Variants in RBFOX1 observed in about 807,000 individuals in gnomAD.
RBFOX1 encodes the protein RNA binding protein fox-1 homolog 1.
A neutral mutation model predicts 57.7 loss-of-function variants in RBFOX1; 8 were observed. The observed-to-expected ratio is 0.14, with a 90% CI of 0.08 to 0.25. The LOEUF (loss-of-function observed/expected upper bound fraction) is 0.25, where lower values mean the gene tolerates loss of function less well. RBFOX1 is among the 10% of genes least tolerant of loss of function. The pLI is 1.00. For missense variants in RBFOX1, 611 were observed against 548.5 expected (o/e 1.11, Z -1.14); for synonymous variants, 326 against 222.4 (o/e 1.47, Z -4.15).
intron 3 of RBFOX1, among the ~76,000 whole-genome samples, chr16:6,679,186 A>G (rs571844297): frequency 6.1e-4 from 93 of 152,252 alleles, no homozygotes; most frequent in African/African-American, 2.1e-3. Context: ...GTCTCCATCT[A>G]TTTATGGCAT....
intron 1 of RBFOX1, among the ~76,000 whole-genome samples, chr16:5,247,501 G>A (rs893208334): frequency 1.2e-4 from 18 of 152,208 alleles, no homozygotes; most frequent in African/African-American, 3.4e-4. Context: ...CTGTGTGCCA[G>A]CTGCTGGTCT....
chr16:6,882,176 C>T (rs900722163), intron 3 of RBFOX1, among the ~76,000 whole-genome samples: 4 of 152,124 alleles, frequency 2.6e-5, no homozygotes, highest in African/African-American at 4.8e-5. Context: ...TCTCTAGCTT[C>T]TCTCTTCCTG....
chr16:6,886,319 C>G (rs2064019902), intron 3 of RBFOX1, among the ~76,000 whole-genome samples: 1 of 152,022 alleles, frequency 6.6e-6, no homozygotes, highest in East Asian at 2.0e-4. Flanking sequence ...ACCTCGACCT[C>G]CCAAAGTGCT....
chr16:5,327,070 C>G (rs998426720), intron 1 of RBFOX1, among the ~76,000 whole-genome samples: 1 of 152,146 alleles, frequency 6.6e-6, no homozygotes. Flanking sequence ...TAAAGTAGAA[C>G]AAGGAGATCG....
intron 1 of RBFOX1, chr16:5,270,611 A>G (rs2062980286): frequency 1.7e-6 from 1 of 585,066 alleles, no homozygotes; most frequent in Non-Finnish European, 3.2e-6. Flanking sequence ...CAAAAAACGC[A>G]ACAATCAGAT....
In RBFOX1 at chr16:6,636,556, C is replaced by T. The variant is rs1008525567; in HGVS notation, c.-63-18047C>T. 9.9e-5 allele frequency among the ~76,000 whole-genome samples: 15 copies of T among 151,826 alleles called. No individual in the cohort carries two copies. In the East Asian group the frequency reaches 2.9e-3, roughly 29 times the overall value. On this transcript the variant is annotated intron_variant, in intron 2 of 15. Coordinates refer to ENST00000550418, the MANE Select transcript of RBFOX1 (RefSeq NM_018723.4). Reference sequence around the variant, plus strand: ...AACCTCTAATTACTGTAGCACATATCAGAAGATTTCTCTTTTATTTGGTTT... The same window carrying T: ...AACCTCTAATTACTGTAGCACATATTAGAAGATTTCTCTTTTATTTGGTTT...
intron 2 of RBFOX1, among the ~76,000 whole-genome samples, chr16:6,637,436 A>T (rs1346373165): frequency 1.0e-5 from 1 of 96,504 alleles, no homozygotes; most frequent in Non-Finnish European, 1.9e-5. Flanking sequence ...TATATTATAT[A>T]AATATATGTA....
intron 3 of RBFOX1, among the ~76,000 whole-genome samples, chr16:5,718,399 C>G (rs2051798405): frequency 6.6e-6 from 1 of 152,136 alleles, no homozygotes; most frequent in Admixed American, 6.5e-5. Flanking sequence ...TAAATGAGGG[C>G]TGAGTTAAGC....
At chr16:5,826,308 A>G (rs946383955) in intron 3 of RBFOX1, among the ~76,000 whole-genome samples, 1 of 152,158 alleles carries the variant, frequency 6.6e-6, no homozygotes, top group Non-Finnish European at 1.5e-5. Context: ...TGAATTGTGA[A>G]GCAAACCACA....
intron 14 of RBFOX1, among the ~76,000 whole-genome samples, chr16:7,686,154 G>C (rs188834536): frequency 6.6e-6 from 1 of 151,734 alleles, no homozygotes; most frequent in African/African-American, 2.4e-5. Context: ...CAGCATCACT[G>C]AACTGTGGGA....
intron 4 of RBFOX1, among the ~76,000 whole-genome samples, chr16:7,062,893 AT>A (rs1170936027): frequency 2.1e-5 from 1 of 47,256 alleles, no homozygotes; most frequent in African/African-American, 9.2e-5. Context: ...AATGATCGCC[AT>A]TTTTTTTTTT....
chr16:6,090,914 A>T (rs2096162305), intron 1 of RBFOX1, among the ~76,000 whole-genome samples: 1 of 152,198 alleles, frequency 6.6e-6, no homozygotes, highest in Non-Finnish European at 1.5e-5. Flanking sequence ...AGCAAAACTT[A>T]AAAAAAGTAT....
intron 4 of RBFOX1, among the ~76,000 whole-genome samples, chr16:7,436,879 T>C (rs758467428): frequency 4.6e-5 from 7 of 152,078 alleles, no homozygotes; most frequent in Non-Finnish European, 8.8e-5. Context: ...CTGGCAAATA[T>C]GGCGAAGCCC....
At chr16:5,906,727 CTTTT>C (rs57589514) in intron 4 of RBFOX1, among the ~76,000 whole-genome samples, 14 of 71,484 alleles carry the variant, frequency 2.0e-4, no homozygotes, top group Middle Eastern at 0.017. Context: ...ATCCTAGATT[CTTTT>C]TTTTTTTTTT....
chr16:5,316,179 G>A (rs1190743070), intron 1 of RBFOX1, among the ~76,000 whole-genome samples: 1 of 152,138 alleles, frequency 6.6e-6, no homozygotes, highest in East Asian at 1.9e-4. Flanking sequence ...TAGTTAACTC[G>A]TGTTCATTCT....
In RBFOX1 at chr16:5,325,989, G is replaced by A. The variant is rs1019278641; in HGVS notation, c.219+85884G>A. ...CTATTGTGCTTACTGGAGTATTTAC[G>A]TGTCTTTAAACAGCTTGGCATTATA... On this transcript the variant is annotated intron_variant, in intron 1 of 2. Coordinates refer to the RBFOX1 transcript ENST00000585867. Among the ~76,000 whole-genome samples, 3 of 152,294 alleles carry A rather than the reference G, an allele frequency of 2.0e-5. No individual in the cohort carries two copies. In the East Asian group the frequency reaches 5.8e-4, roughly 29 times the overall value.
chr16:7,697,369 C>A (rs569739054), intron 14 of RBFOX1, among the ~76,000 whole-genome samples: 1 of 152,154 alleles, frequency 6.6e-6, no homozygotes, highest in East Asian at 1.9e-4. Flanking sequence ...TTCCATGGAG[C>A]ACCAAGGCTT....
chr16:5,998,277 G>C (rs934840626), intron 4 of RBFOX1, among the ~76,000 whole-genome samples: 1 of 152,164 alleles, frequency 6.6e-6, no homozygotes, highest in East Asian at 1.9e-4. Flanking sequence ...GATAGTCTCT[G>C]ATATTCTCAA....
chr16:5,827,924 TCCACCCAC>T (rs1373296086), intron 3 of RBFOX1, among the ~76,000 whole-genome samples: 1 of 113,464 alleles, frequency 8.8e-6, no homozygotes, highest in Non-Finnish European at 1.7e-5. Flanking sequence ...CATCCACCCA[TCCACCCAC>T]CCATCCACCC....
Sources: allele counts gnomAD v4.1 joint callset (sites outside exome capture counted in the v4.1 genomes callset), GRCh38; gene constraint gnomAD v4.1.1; transcripts MANE v1.5; gene names NCBI Gene and HGNC (gene_info 2026-07-23, HGNC 2026-07-21).